WDFY2: variants seen among roughly 807,000 people sequenced by gnomAD.
The protein encoded by WDFY2 is WD repeat and FYVE domain containing 2.
In WDFY2, 36 loss-of-function variants were observed where a neutral mutation model predicts 56.4. The observed-to-expected ratio is 0.64, with a 90% confidence interval of 0.49 to 0.84. WDFY2 has a LOEUF of 0.84. Ranked by LOEUF, WDFY2 falls within the 40% of genes least tolerant of loss-of-function variation. WDFY2 has a pLI of 0.00. For missense variants in WDFY2, 444 were observed against 512.2 expected (o/e 0.87, Z 1.29); for synonymous variants, 176 against 183.7 (o/e 0.96, Z 0.34).
intron 3 of WDFY2, among the ~76,000 whole-genome samples, chr13:51,675,607 C>G (rs1955873161): frequency 6.6e-6 from 1 of 152,198 alleles, no homozygotes; most frequent in Non-Finnish European, 1.5e-5. Context: ...AGCAACAGAA[C>G]AGGAGGAAAA....
At chr13:51,717,371 A>G (rs540929620) in intron 4 of WDFY2, among the ~76,000 whole-genome samples, 38 of 151,986 alleles carry the variant, frequency 2.5e-4, no homozygotes, top group Non-Finnish European at 4.9e-4. Flanking sequence ...CATCAGGGAG[A>G]ATAGGGTTTT....
chr13:51,588,138 C>T (rs1417110750), intron 1 of WDFY2: 3 of 152,226 alleles, frequency 2.0e-5, no homozygotes, highest in Non-Finnish European at 4.4e-5. Flanking sequence ...AAAGGGCATA[C>T]CAAACTTTGA....
intron 7 of WDFY2, among the ~76,000 whole-genome samples, chr13:51,745,738 T>TAAAAA (rs34880965): frequency 1.2e-5 from 1 of 86,326 alleles, no homozygotes; most frequent in Non-Finnish European, 2.1e-5. Context: ...ATCCTTCATT[T>TAAAAA]AAAAAAAAAA....
rs569169884 is a variant in WDFY2, at chr13:51,598,905, CTTTTTT to C, written c.137+14098_137+14103del. 1.6e-4 allele frequency among the ~76,000 whole-genome samples: 19 copies of C among 115,748 alleles called. No individual in the cohort carries two copies. In the East Asian group the frequency reaches 4.8e-3, roughly 29 times the overall value. 75.9% of individuals were successfully genotyped at this position (115,748 alleles called of 152,430 possible). On this transcript the variant is annotated intron_variant, in intron 1 of 11. Transcript: ENST00000298125. ...GGCACTGGTCCACAAGTGCCATTTA[CTTTTTT>C]TTTTTTTTTTTTTTTTGAGACAGAG... is the stretch of plus-strand genomic sequence containing the variant.
intron 6 of WDFY2, among the ~76,000 whole-genome samples, chr13:51,730,321 A>G (rs1046830128): frequency 1.3e-5 from 2 of 152,188 alleles, no homozygotes; most frequent in African/African-American, 2.4e-5. Flanking sequence ...TGTCGTACTT[A>G]ACTTTTCAGC....
chr13:51,759,792 GATAGT>G lies in WDFY2; in HGVS notation c.*26_*30del. 1 of 1,612,872 alleles carries G rather than the reference GATAGT, an allele frequency of 6.2e-7. No homozygotes were observed. The highest frequency in any genetic ancestry group is 8.5e-7 in the Non-Finnish European group (1 of 1,179,154). ...TGATGACTCTCCCAGGAATCAGAAA[GATAGT>G]ATTTACTAAAGAAACGGTTGTTTTA... On this transcript the variant is annotated 3_prime_UTR_variant, in exon 12 of 12. Coordinates refer to ENST00000298125, the MANE Select transcript of WDFY2 (RefSeq NM_052950.4).
At chr13:51,702,761 T>A (rs1952010254) in intron 3 of WDFY2, among the ~76,000 whole-genome samples, 1 of 152,218 alleles carries the variant, frequency 6.6e-6, no homozygotes, top group Non-Finnish European at 1.5e-5. Context: ...ATTGCGTTGT[T>A]TCTAAACTCA....
At chr13:51,651,429 G>C (rs1160734362) in intron 1 of WDFY2, among the ~76,000 whole-genome samples, 1 of 152,054 alleles carries the variant, frequency 6.6e-6, no homozygotes, top group Admixed American at 6.6e-5. Context: ...GTTCTGCTCT[G>C]ATCTTAGTTA....
intron 5 of WDFY2, among the ~76,000 whole-genome samples, chr13:51,723,197 C>G (rs553466710): frequency 2.0e-5 from 3 of 152,180 alleles, no homozygotes; most frequent in Non-Finnish European, 4.4e-5. Flanking sequence ...AAAGCAAATT[C>G]TAGACCTTAT....
chr13:51,599,756 T>A (rs1299461601), intron 1 of WDFY2, among the ~76,000 whole-genome samples: 1 of 152,222 alleles, frequency 6.6e-6, no homozygotes, highest in Non-Finnish European at 1.5e-5. Context: ...TTTAAATTTG[T>A]AATTAATTCT....
At chr13:51,628,034 C>T (rs973494722) in intron 1 of WDFY2, among the ~76,000 whole-genome samples, 1 of 152,232 alleles carries the variant, frequency 6.6e-6, no homozygotes, top group Non-Finnish European at 1.5e-5. Flanking sequence ...GGGCCCCAGA[C>T]TCTAGCTGGA....
intron 1 of WDFY2, among the ~76,000 whole-genome samples, chr13:51,610,800 T>A (rs940304594): frequency 1.6e-4 from 25 of 152,330 alleles, no homozygotes; most frequent in South Asian, 1.0e-3. Flanking sequence ...TTGCCGCTAT[T>A]TTAGTTCTGC....
At chr13:51,616,445 C>CAGGTG (rs1954616221) in intron 1 of WDFY2, among the ~76,000 whole-genome samples, 1 of 152,078 alleles carries the variant, frequency 6.6e-6, no homozygotes, top group Non-Finnish European at 1.5e-5. Flanking sequence ...TCACCTGCAT[C>CAGGTG]AGTCAGGATA....
intron 1 of WDFY2, among the ~76,000 whole-genome samples, chr13:51,628,617 C>A (rs1954885424): frequency 1.3e-5 from 2 of 152,340 alleles, no homozygotes; most frequent in East Asian, 1.9e-4. Context: ...GCGGCACCCC[C>A]CCTGCTGCAG....
chr13:51,617,093 T>C (rs1248543353), intron 1 of WDFY2, among the ~76,000 whole-genome samples: 1 of 152,226 alleles, frequency 6.6e-6, no homozygotes, highest in East Asian at 1.9e-4. Context: ...ACATGTTTAT[T>C]CCAATTTTAT....
chr13:51,596,100 G>T (rs146640987), intron 1 of WDFY2, among the ~76,000 whole-genome samples: 1 of 152,168 alleles, frequency 6.6e-6, no homozygotes, highest in Admixed American at 6.5e-5. Flanking sequence ...TTTAGTGTTC[G>T]TTGGGGGAGA....
intron 2 of WDFY2, among the ~76,000 whole-genome samples, chr13:51,669,261 GTTTGTC>G (rs1955766133): frequency 6.6e-6 from 1 of 152,126 alleles, no homozygotes; most frequent in African/African-American, 2.4e-5. Flanking sequence ...TAAGCTGAAT[GTTTGTC>G]TTAAGTTACA....
In WDFY2 at chr13:51,695,952, A is replaced by G. The variant is rs568183139; in HGVS notation, c.280-7644A>G. 2.7e-4 allele frequency among the ~76,000 whole-genome samples: 41 copies of G among 152,188 alleles called. No homozygotes were observed. In the East Asian group the frequency reaches 6.2e-3, roughly 23 times the overall value. On this transcript the variant is annotated intron_variant, in intron 3 of 11. Transcript: ENST00000298125. The stretch of plus-strand genomic sequence containing the variant: ...TCAGACTGCTGTGCTAGCAATCAGC[A>G]AGACTGTGGGCGTAGGACCCTCCGA...
At chr13:51,624,224 A>G (rs988515956) in intron 1 of WDFY2, among the ~76,000 whole-genome samples, 3 of 152,176 alleles carry the variant, frequency 2.0e-5, no homozygotes, top group African/African-American at 4.8e-5. Flanking sequence ...ATTTGATTCA[A>G]TGTATTCTAA....
Sources: allele counts gnomAD v4.1 joint callset (sites outside exome capture counted in the v4.1 genomes callset), GRCh38; gene constraint gnomAD v4.1.1; transcripts MANE v1.5; gene names NCBI Gene and HGNC (gene_info 2026-07-23, HGNC 2026-07-21).